The following NR1D2 variants were observed in gnomAD, a reference collection of about 807,000 sequenced individuals.
NR1D2 encodes V-erbA-related protein 1-related.
A neutral mutation model predicts 52.2 loss-of-function variants in NR1D2; 25 were observed. The ratio of observed to expected loss-of-function variants is 0.48; its 90% CI spans 0.35 to 0.67. NR1D2 has a LOEUF of 0.67. Ranked by LOEUF, NR1D2 falls within the 30% of genes least tolerant of loss-of-function variation. The pLI, the probability that NR1D2 is intolerant of heterozygous loss-of-function variation, is 0.01. For missense variants in NR1D2, 681 were observed against 707.2 expected (o/e 0.96, Z 0.42); for synonymous variants, 259 against 230.1 (o/e 1.13, Z -1.14).
chr3:23,966,782 C>G (rs896566572), intron 6 of NR1D2, among the ~76,000 whole-genome samples: 9 of 152,172 alleles, frequency 5.9e-5, no homozygotes, highest in Admixed American at 5.2e-4. Context: ...GTAATCCCAG[C>G]ACTTTGGGAG....
intron 6 of NR1D2, among the ~76,000 whole-genome samples, chr3:23,966,632 C>A (rs1289824034): frequency 2.0e-5 from 3 of 152,184 alleles, no homozygotes; most frequent in African/African-American, 7.2e-5. Context: ...ATTTCAGAAT[C>A]TTTGTTAATA....
intron 1 of NR1D2, among the ~76,000 whole-genome samples, chr3:23,945,820 G>A (rs1311291511): frequency 4.6e-5 from 7 of 150,592 alleles, no homozygotes; most frequent in African/African-American, 1.5e-4. Context: ...CCGGCGCCCG[G>A]CCCGGCCCCC....
chr3:23,960,964 T>TG (rs1232147791), intron 4 of NR1D2, among the ~76,000 whole-genome samples: 2 of 152,238 alleles, frequency 1.3e-5, no homozygotes, highest in Non-Finnish European at 2.9e-5. Context: ...ATAGGATTAT[T>TG]GGAGACAAGA....
At chr3:23,948,078 C>T (rs1022427916) in intron 1 of NR1D2, among the ~76,000 whole-genome samples, 8 of 151,080 alleles carry the variant, frequency 5.3e-5, no homozygotes, top group Non-Finnish European at 1.2e-4. Flanking sequence ...CATCGCGCTA[C>T]TGCACTCCAG....
rs1354727091 is a variant in NR1D2 at position 23,959,813 on chromosome 3, A to T, written c.515A>T (p.Asp172Val). The change falls in exon 4 of 8, where the codon GAT becomes GTT. Residue 172 changes from aspartate (D) to valine (V), a missense_variant and splice_region_variant. Physicochemically the swap from Asp to Val is radical, Grantham distance 152 (BLOSUM62 -3). Transcript: ENST00000312521. ...TGTCTGTCTGTTGGAATGTCAAGAG[A>T]TGGTATGTTCCCAGTTTAAAGAGTG... ...KKCLSVGMSR[D>V]AVRFGRIPKR... 3 of 1,612,148 alleles carry T rather than the reference A, an allele frequency of 1.9e-6. No individual in the cohort carries two copies. The highest frequency in any genetic ancestry group is 1.3e-5 in the African/African-American group (1 of 74,870).
At chr3:23,948,703 C>G (rs1053441190) in intron 1 of NR1D2, among the ~76,000 whole-genome samples, 1 of 152,212 alleles carries the variant, frequency 6.6e-6, no homozygotes, top group African/African-American at 2.4e-5. Flanking sequence ...TAAATTGAAG[C>G]TAAATAACTT....
At chr3:23,947,840 G>A (rs1415526037) in intron 1 of NR1D2, among the ~76,000 whole-genome samples, 2 of 152,228 alleles carry the variant, frequency 1.3e-5, no homozygotes, top group East Asian at 3.9e-4. Flanking sequence ...TAAACTGGCC[G>A]GGCACAGTGG....
rs1230060397 is a variant in NR1D2, at chr3:23,977,838, T to A, written c.*419T>A. 6.5e-6 allele frequency: 1 copy of A among 152,980 alleles called. No homozygotes were observed. Among genetic ancestry groups the A allele is most frequent in the Non-Finnish European group, 1.5e-5 (1 of 68,578 alleles). 9.5% of individuals were successfully genotyped at this position (152,980 alleles called of 1,614,324 possible). On this transcript the variant is annotated 3_prime_UTR_variant, in exon 8 of 8. Coordinates refer to ENST00000312521, the MANE Select transcript of NR1D2 (RefSeq NM_005126.5). The stretch of plus-strand genomic sequence containing the variant: ...GGAAATCTTATTACTACCACAAGAC[T>A]ATTTGATCTGGTAATTGGAGACTTC...
intron 1 of NR1D2, among the ~76,000 whole-genome samples, chr3:23,945,884 G>A (rs1343938769): frequency 6.6e-6 from 1 of 150,576 alleles, no homozygotes; most frequent in Non-Finnish European, 1.5e-5. Flanking sequence ...TACGTTCGGC[G>A]GCGCGCGGGC....
chr3:23,945,831 C>G (rs372920096), intron 1 of NR1D2, among the ~76,000 whole-genome samples: 52 of 150,872 alleles, frequency 3.4e-4, no homozygotes, highest in Non-Finnish European at 4.9e-4. Flanking sequence ...CCCGGCCCCC[C>G]CCTCACATGG....
intron 3 of NR1D2, among the ~76,000 whole-genome samples, chr3:23,956,904 G>T (rs917067451): frequency 6.6e-6 from 1 of 152,042 alleles, no homozygotes; most frequent in Non-Finnish European, 1.5e-5. Flanking sequence ...GGCGAGATAT[G>T]ATGGGTAAAC....
chr3:23,959,902 C>T, intron 4 of NR1D2, 87 bp downstream of exon 4: 15 of 1,243,164 alleles, frequency 1.2e-5, no homozygotes, highest in Middle Eastern at 2.0e-4. Flanking sequence ...AAACCGGTTA[C>T]CAAGGACCCT....
Position 23,965,012 on chromosome 3 carries a change from TC to T in NR1D2, c.1183del (p.His395IlefsTer13). The T allele has an allele frequency of 1.2e-6, 2 of 1,613,694 alleles. No individual in the cohort carries two copies. The highest frequency in any genetic ancestry group is 1.7e-6 in the Non-Finnish European group (2 of 1,179,708). ...PMSKSPYVDP[H>X]KSGHEIWEEF... The stretch of plus-strand genomic sequence containing the variant: ...TGAGTAAGTCTCCATATGTGGATCC[TC>T]ATAAATCAGGACATGAAATCTGGGA... On this transcript the variant is annotated frameshift_variant, in exon 6 of 8. Coordinates refer to ENST00000312521, the MANE Select transcript of NR1D2 (RefSeq NM_005126.5). LOFTEE classifies it high-confidence loss of function.
At chr3:23,954,943 G>C in intron 2 of NR1D2, 140 bp downstream of exon 2, 1 of 741,276 alleles carries the variant, frequency 1.3e-6, no homozygotes, top group East Asian at 2.6e-5. Flanking sequence ...CAGTAGTTAG[G>C]GAAGAAATCA....
chr3:23,959,876 C>A (rs947387517), intron 4 of NR1D2, 61 bp downstream of exon 4: 5 of 1,501,554 alleles, frequency 3.3e-6, no homozygotes, highest in Non-Finnish European at 3.6e-6. Context: ...TATTCCTCAT[C>A]ATGAACCAGA....
At position 23,948,691 on chromosome 3, in the gene NR1D2, A is replaced by G. The variant is rs79839739; in HGVS notation, c.16+3097A>G. On this transcript the variant is annotated intron_variant, in intron 1 of 7. Transcript: ENST00000312521. ...CCACCATCTTAATGATGCGGGGCTA[A>G]GTAAATTGAAGCTAAATAACTTACT... is the stretch of plus-strand genomic sequence containing the variant. Among the ~76,000 whole-genome samples the G allele has an allele frequency of 2.8e-3, 421 of 152,354 alleles. 4 individuals carry two copies. The highest frequency in any genetic ancestry group is 9.3e-3 in the African/African-American group (388 of 41,584).
chr3:23,966,436 C>T (rs1261020492), intron 6 of NR1D2, among the ~76,000 whole-genome samples: 1 of 152,184 alleles, frequency 6.6e-6, no homozygotes. Context: ...CATCTGCTTC[C>T]TTTGCCTTGG....
In NR1D2 at chr3:23,977,347, A is replaced by G. The variant is rs1448702728; in HGVS notation, c.1668A>G (p.Leu556=). 5.6e-6 allele frequency: 9 copies of G among 1,613,888 alleles called. No individual in the cohort carries two copies. The highest frequency in any genetic ancestry group is 2.2e-5 in the East Asian group (1 of 44,882). ...CCTCTATTTTTACAAAACTGCTTCT[A>G]AAGTTGCCAGATCTTCGATCTTTAA... The part of the protein sequence containing the change: ...NEASIFTKLL[L]KLPDLRSLNN... Residue 556 remains leucine (L), a synonymous_variant, in exon 8 of 8, where the codon CTA becomes CTG. Transcript: ENST00000312521.
rs1575140584 is a variant in NR1D2 at position 23,945,693 on chromosome 3, G to A, written c.16+99G>A. 7 of 747,828 alleles carry A rather than the reference G, an allele frequency of 9.4e-6. No individual in the cohort carries two copies. The East Asian group carries it at 1.8e-4, about 20-fold the overall frequency. The allele number at this position is 747,828 out of a possible 1,614,324, so 46.3% of individuals were successfully genotyped here. ...GGCGGCAGGGGGTGTCCCCATGGCCGGTGGGGCGGGGTGGGCTGCTGCGCG... is the reference window on the plus strand; with the variant it reads ...GGCGGCAGGGGGTGTCCCCATGGCCAGTGGGGCGGGGTGGGCTGCTGCGCG... On this transcript the variant is annotated intron_variant, in intron 1 of 7. Coordinates refer to ENST00000312521, the MANE Select transcript of NR1D2 (RefSeq NM_005126.5).
Sources: gnomAD v4.1 joint callset for allele counts (sites outside exome capture counted in the v4.1 genomes callset) on GRCh38, gnomAD v4.1.1 for gene constraint, MANE v1.5 for transcripts, NCBI Gene and HGNC (gene_info 2026-07-23, HGNC 2026-07-21) for gene names.